The following ZNF564 variants were observed in gnomAD, a reference collection of about 807,000 sequenced individuals.
ZNF564 encodes the protein zinc finger protein 564.
In ZNF564, 5 loss-of-function variants were observed where a neutral mutation model predicts 10.5. The ratio of observed to expected loss-of-function variants is 0.48; its 90% CI spans 0.25 to 1.00. The LOEUF is 1.00. Ranked by LOEUF, ZNF564 falls within the 50% of genes least tolerant of loss-of-function variation. The probability of loss-of-function intolerance (pLI) is 0.16; values close to 1 mark genes in which losing one functional copy is unlikely to be tolerated. For missense variants in ZNF564, 603 were observed against 669.7 expected, an observed-to-expected ratio of 0.90 and a Z score of 1.10; for synonymous variants, 242 against 218.1, an observed-to-expected ratio of 1.11 and a Z score of -0.97.
At chr19:12,546,531 T>C (rs2022157539) in intron 1 of ZNF564, among the ~76,000 whole-genome samples, 1 of 151,812 alleles carries the variant, frequency 6.6e-6, no homozygotes, top group Non-Finnish European at 1.5e-5. Flanking sequence ...ATCAAGATCA[T>C]CCTGGCTAAC....
chr19:12,528,422 A>T (rs184265655), intron 2 of ZNF564, 58 bp from the exon 3 acceptor site: 2 of 1,576,496 alleles, frequency 1.3e-6, no homozygotes, highest in African/African-American at 2.7e-5. Flanking sequence ...AAAAATGACT[A>T]GATTCTAAGT....
At position 12,528,373 on chromosome 19, in the gene ZNF564, T is replaced by C. The variant is rs757585727; in HGVS notation, c.131-9A>G. Reference sequence around the variant, plus strand: ...GTCTTCCCATTTTTTTCCTAAAATATAGTCAGAAAAAATCCTTATGAACTG... The same window carrying C: ...GTCTTCCCATTTTTTTCCTAAAATACAGTCAGAAAAAATCCTTATGAACTG... On this transcript the variant is annotated splice_polypyrimidine_tract_variant and intron_variant, in intron 2 of 3. Transcript: ENST00000339282. 9 of 1,601,162 alleles carry C rather than the reference T, an allele frequency of 5.6e-6. No individual in the cohort carries two copies. Among genetic ancestry groups the C allele is most frequent in the East Asian group, 2.2e-5 (1 of 44,814 alleles).
At chr19:12,539,683 A>G (rs2022000622) in intron 1 of ZNF564, among the ~76,000 whole-genome samples, 1 of 144,498 alleles carries the variant, frequency 6.9e-6, no homozygotes. Context: ...GACAAAAAAG[A>G]AAAAGAAAAA....
intron 1 of ZNF564, among the ~76,000 whole-genome samples, chr19:12,535,563 G>A (rs2021891032): frequency 6.6e-6 from 1 of 152,080 alleles, no homozygotes; most frequent in Non-Finnish European, 1.5e-5. Flanking sequence ...GTGATTTTTA[G>A]GGCAGTGAAA....
At chr19:12,551,036 G>C (rs1468739150) in intron 1 of ZNF564, among the ~76,000 whole-genome samples, 2 of 152,350 alleles carry the variant, frequency 1.3e-5, no homozygotes, top group African/African-American at 4.8e-5. Context: ...ACCCTCCCGT[G>C]TCCCAGTACA....
intron 1 of ZNF564, chr19:12,548,891 C>G: frequency 2.8e-6 from 2 of 702,170 alleles, no homozygotes; most frequent in Non-Finnish European, 5.2e-6. Flanking sequence ...TTTAGAGAAT[C>G]TCTGTATTTC....
In ZNF564 at chr19:12,527,162, T is replaced by C; in HGVS notation, c.946A>G (p.Arg316Gly). 1 of 1,614,166 alleles carries C rather than the reference T, an allele frequency of 6.2e-7. No individual in the cohort carries two copies. The highest frequency in any genetic ancestry group is 8.5e-7 in the Non-Finnish European group (1 of 1,180,016). Residue 316 changes from arginine (R) to glycine (G), a missense_variant, in exon 4 of 4, where the codon AGA (arginine) becomes GGA (glycine). Arg to Gly is a moderately radical substitution (Grantham distance 125). Transcript: ENST00000339282. Reference sequence around the variant, plus strand: ...ACATAACTGGGAAAAATAAAGGCTCTCCCACATACTTTACATTTATAAGGT... The same window carrying C: ...ACATAACTGGGAAAAATAAAGGCTCCCCCACATACTTTACATTTATAAGGT... ...DGPYKCKVCG[R>G]AFIFPSYVRK...
intron 1 of ZNF564, among the ~76,000 whole-genome samples, chr19:12,545,353 G>A (rs2022131532): frequency 6.6e-6 from 1 of 151,934 alleles, no homozygotes; most frequent in African/African-American, 2.4e-5. Flanking sequence ...GTGATTCACG[G>A]TCTCGATTCT....
chr19:12,551,285 C>A, intron 1 of ZNF564, 45 bp downstream of exon 1: 1 of 1,594,448 alleles, frequency 6.3e-7, no homozygotes. Context: ...CCGGTTCCCA[C>A]AAGCCCCTCC....
chr19:12,548,877 A>G (rs1053413317), intron 1 of ZNF564: 10 of 702,632 alleles, frequency 1.4e-5, no homozygotes, highest in Non-Finnish European at 2.3e-5. Context: ...AAAGGAGAAG[A>G]TATTTTAGAG....
chr19:12,529,752 G>A (rs955209223), intron 1 of ZNF564: 2 of 152,130 alleles, frequency 1.3e-5, no homozygotes, highest in African/African-American at 4.8e-5. Flanking sequence ...GGAGGCAGAG[G>A]CAGGCGGATC....
In ZNF564 at chr19:12,526,946, T is replaced by G; in HGVS notation, c.1162A>C (p.Thr388Pro). Reference protein sequence around the residue: ...PSVRRHMIKHTGDGPYKCQVC... With the variant: ...PSVRRHMIKHPGDGPYKCQVC... ...TGACATTTATAAGGTCCATCTCCAG[T>G]GTGCTTTATCATGTGTCTTCGGACA... Residue 388 changes from threonine to proline, a missense_variant, in exon 4 of 4, where the codon ACT (threonine) becomes CCT (proline). Transcript: ENST00000339282. 1 of 1,614,166 alleles carries G rather than the reference T, an allele frequency of 6.2e-7. No homozygotes were observed. Among genetic ancestry groups the G allele is most frequent in the Non-Finnish European group, 8.5e-7 (1 of 1,180,020 alleles).
chr19:12,529,307 C>T (rs1233988044), intron 1 of ZNF564, among the ~76,000 whole-genome samples: 1 of 151,918 alleles, frequency 6.6e-6, no homozygotes, highest in Non-Finnish European at 1.5e-5. Context: ...AAATGCTATA[C>T]AAAGAAAACA....
At chr19:12,544,480 C>T (rs2022115536) in intron 1 of ZNF564, among the ~76,000 whole-genome samples, 1 of 152,126 alleles carries the variant, frequency 6.6e-6, no homozygotes, top group Non-Finnish European at 1.5e-5. Context: ...GCTTAGTCAC[C>T]CTTAATACAG....
At position 12,527,600 on chromosome 19, in the gene ZNF564, C is replaced by T. The variant is rs779961622; in HGVS notation, c.508G>A (p.Ala170Thr). 1.9e-6 allele frequency: 3 copies of T among 1,614,150 alleles called. No homozygotes were observed. Among genetic ancestry groups the T allele is most frequent in the Non-Finnish European group, 2.5e-6 (3 of 1,180,034 alleles). Residue 170 changes from alanine to threonine, a missense_variant, in exon 4 of 4, where the codon GCA (alanine) becomes ACA (threonine). Transcript: ENST00000339282. The part of the protein sequence containing the change: ...ERTHTGEKPY[A>T]CPECGKAFIS... ...AAGGCTTTCCCACATTCCGGACATG[C>T]ATAGGGTTTCTCACCAGTGTGAGTT...
intron 1 of ZNF564, among the ~76,000 whole-genome samples, chr19:12,538,953 C>G (rs1373302316): frequency 6.7e-6 from 1 of 149,450 alleles, no homozygotes; most frequent in African/African-American, 2.5e-5. Context: ...GTAGGCCAGG[C>G]GTGGTGGCTC....
intron 1 of ZNF564, among the ~76,000 whole-genome samples, chr19:12,531,915 C>T (rs1432760566): frequency 2.6e-5 from 4 of 151,870 alleles, no homozygotes; most frequent in Non-Finnish European, 5.9e-5. Flanking sequence ...AGTATGTTGG[C>T]TAAAAGGAAA....
At position 12,527,493 on chromosome 19, in the gene ZNF564, G is replaced by C; in HGVS notation, c.615C>G (p.Ala205=). The change falls in exon 4 of 4, where the codon GCC becomes GCG. Residue 205 remains alanine, a synonymous_variant. Coordinates refer to ENST00000339282, the MANE Select transcript of ZNF564 (RefSeq NM_144976.4). The stretch of plus-strand genomic sequence containing the variant: ...TCTGAAATAAACTTGGGCGATCAAA[G>C]GCTTTCCCACATTCCTGACATTTAT... ...GPYKCQECGK[A]FDRPSLFQIH... is the part of the protein sequence containing the mutation. 1 of 1,614,060 alleles carries C rather than the reference G, an allele frequency of 6.2e-7. No homozygotes were observed. Among genetic ancestry groups the C allele is most frequent in the Non-Finnish European group, 8.5e-7 (1 of 1,179,982 alleles).
At chr19:12,543,647 C>T (rs572060462) in intron 1 of ZNF564, among the ~76,000 whole-genome samples, 10 of 118,404 alleles carry the variant, frequency 8.4e-5, no homozygotes, top group South Asian at 2.7e-4. Context: ...GCACTCCAGA[C>T]GGGGCAACAA....
Sources: gnomAD v4.1 joint callset for allele counts (sites outside exome capture counted in the v4.1 genomes callset) on GRCh38, gnomAD v4.1.1 for gene constraint, MANE v1.5 for transcripts, NCBI Gene and HGNC (gene_info 2026-07-23, HGNC 2026-07-21) for gene names.